CECR2: variants seen among roughly 807,000 people sequenced by gnomAD.
The protein encoded by CECR2 is CECR2 histone acetyl-lysine reader.
CECR2 carries 30 observed loss-of-function variants against 154.5 expected under a neutral mutation model. That is an observed-to-expected ratio of 0.19 (90% CI 0.15 to 0.26). The LOEUF (loss-of-function observed/expected upper bound fraction) is 0.26. Ranked by LOEUF, CECR2 falls within the 10% of genes least tolerant of loss-of-function variation. The probability of loss-of-function intolerance (pLI) is 1.00; values close to 1 mark genes in which losing one functional copy is unlikely to be tolerated. For missense variants in CECR2, 1,743 were observed against 1,829.3 expected (o/e 0.95, Z 0.86); for synonymous variants, 725 against 683.7 (o/e 1.06, Z -0.94).
At chr22:17,401,828 A>ACCC (rs34211703) in intron 1 of CECR2, among the ~76,000 whole-genome samples, 58 of 114,200 alleles carry the variant, frequency 5.1e-4, no homozygotes, top group Middle Eastern at 4.3e-3. Flanking sequence ...AATATTTAAC[A>ACCC]CCCCCCCCCG....
chr22:17,423,534 G>A lies in CECR2; in HGVS notation c.126+53625G>A, dbSNP rs1850890062. ...AAAAAAAAAAAAGAAGAAGAATTAA[G>A]TGCTCTGGCCTGTTTCAGAATGGCT... On this transcript the variant is annotated intron_variant, in intron 1 of 18. Coordinates refer to ENST00000262608, the MANE Select transcript of CECR2 (RefSeq NM_001290047.2). Among the ~76,000 whole-genome samples the A allele has an allele frequency of 2.6e-5, 4 of 151,972 alleles. No individual in the cohort carries two copies. In the South Asian group the frequency reaches 8.3e-4, roughly 31 times the overall value.
At position 17,398,713 on chromosome 22, in the gene CECR2, T is replaced by G. The variant is rs181413398; in HGVS notation, c.126+28804T>G. ...CGTGAGAATTAAATACCTTCAAGTT[T>G]GTAAAATACCCAAATTGTGCCAACT... On this transcript the variant is annotated intron_variant, in intron 1 of 18. Coordinates refer to ENST00000262608, the MANE Select transcript of CECR2 (RefSeq NM_001290047.2). Among the ~76,000 whole-genome samples the G allele has an allele frequency of 2.2e-3, 334 of 152,336 alleles. 5 individuals are homozygous for G. Among genetic ancestry groups the G allele is most frequent in the African/African-American group, 7.6e-3 (317 of 41,582 alleles).
At chr22:17,449,645 A>G (rs908626592) in intron 1 of CECR2, among the ~76,000 whole-genome samples, 8 of 151,238 alleles carry the variant, frequency 5.3e-5, no homozygotes, top group African/African-American at 1.7e-4. Flanking sequence ...GCCCGCCACC[A>G]CGCCCGGCTA....
chr22:17,463,234 G>A (rs1194362133), intron 1 of CECR2, among the ~76,000 whole-genome samples: 11 of 152,166 alleles, frequency 7.2e-5, no homozygotes, highest in African/African-American at 2.7e-4. Flanking sequence ...GATGAGAGTA[G>A]TGAGAAGCGA....
chr22:17,367,023 G>A (rs946540717), upstream of CECR2, among the ~76,000 whole-genome samples: 1 of 152,188 alleles, frequency 6.6e-6, no homozygotes, highest in African/African-American at 2.4e-5. Flanking sequence ...ACCCTCAGAA[G>A]GAAAGGGCAG....
intron 1 of CECR2, among the ~76,000 whole-genome samples, chr22:17,435,769 C>T (rs892105916): frequency 6.6e-6 from 1 of 151,480 alleles, no homozygotes; most frequent in Non-Finnish European, 1.5e-5. Context: ...CATAGTCATC[C>T]CATCCCTTAT....
At chr22:17,377,303 G>C (rs1410661744) in intron 1 of CECR2, among the ~76,000 whole-genome samples, 1 of 152,154 alleles carries the variant, frequency 6.6e-6, no homozygotes, top group African/African-American at 2.4e-5. Context: ...TTTGAAAGTA[G>C]CTTTTGAGAC....
Position 17,548,418 on chromosome 22 carries a change from C to A in CECR2, c.3131C>A (p.Ser1044Tyr). The A allele has an allele frequency of 6.2e-7, 1 of 1,613,984 alleles. No individual in the cohort carries two copies. The highest frequency in any genetic ancestry group is 1.6e-4 in the Middle Eastern group (1 of 6,062). The change falls in exon 17 of 19, where the codon TCC becomes TAC. Residue 1044 changes from serine to tyrosine, a missense_variant. This residue lies in a region of CECR2 where 1,250 missense variants were observed against 1,192.1 expected (regional missense o/e 1.05). Transcript: ENST00000262608. Reference sequence around the variant, plus strand: ...GCCCAAGGGTGCGTGAGAGACCTCTCCACGGTGGCAGACAGGGGCGCTCTA... The same window carrying A: ...GCCCAAGGGTGCGTGAGAGACCTCTACACGGTGGCAGACAGGGGCGCTCTA... ...PAAQGCVRDL[S>Y]TVADRGALSE... is the part of the protein sequence containing the mutation.
Position 17,524,281 on chromosome 22 carries a change from G to GT in CECR2, c.1108+11dup, listed in dbSNP as rs1380920786. On this transcript the variant is annotated intron_variant, in intron 9 of 18. Transcript: ENST00000262608. ...GTCAAGGCAGTGGAAGGTATGTGCA[G>GT]TGTCCGCGTGGTCTGGAGAGGTGCA... 2 of 1,605,304 alleles carry GT rather than the reference G, an allele frequency of 1.2e-6. No individual in the cohort carries two copies. Among genetic ancestry groups the GT allele is most frequent in the Non-Finnish European group, 1.7e-6 (2 of 1,176,528 alleles).
chr22:17,547,917 G>T (rs1397096650), intron 16 of CECR2, among the ~76,000 whole-genome samples: 1 of 152,180 alleles, frequency 6.6e-6, no homozygotes, highest in Admixed American at 6.5e-5. Context: ...CCGGCCCACT[G>T]TAAGAGTGAA....
rs767167862 is a variant in CECR2 at position 17,540,444 on chromosome 22, T to C, written c.1528T>C (p.Cys510Arg). Residue 510 changes from cysteine (C) to arginine (R), a missense_variant, in exon 14 of 19, where the codon TGT (cysteine) becomes CGT (arginine). Around this residue, in one of 4 missense-constraint regions of CECR2, gnomAD observed 103 missense variants for 166.8 expected, o/e 0.62. Coordinates refer to ENST00000262608, the MANE Select transcript of CECR2 (RefSeq NM_001290047.2). ...YTKMSDNLER[C>R]FHRAMMKHFP... ...CAAGATGTCTGATAATTTAGAGAGGTGTTTCCATCGGGCAATGATGAAACA... is the reference window on the plus strand; with the variant it reads ...CAAGATGTCTGATAATTTAGAGAGGCGTTTCCATCGGGCAATGATGAAACA... 5 of 1,570,188 alleles carry C rather than the reference T, an allele frequency of 3.2e-6. No individual in the cohort carries two copies. Among genetic ancestry groups the C allele is most frequent in the Non-Finnish European group, 4.3e-6 (5 of 1,156,624 alleles).
At position 17,453,213 on chromosome 22, in the gene CECR2, G is replaced by A. The variant is rs59493121; in HGVS notation, c.127-24375G>A. 0.022 allele frequency among the ~76,000 whole-genome samples: 3,277 copies of A among 152,226 alleles called. 195 individuals carry two copies. The East Asian group carries it at 0.24, about 11-fold the overall frequency. ...TCCCAGAACTTTGGGAGGCCGAGGCGGGTGGATCACCTGAGGTCGGGAGTT... is the reference window on the plus strand; with the variant it reads ...TCCCAGAACTTTGGGAGGCCGAGGCAGGTGGATCACCTGAGGTCGGGAGTT... On this transcript the variant is annotated intron_variant, in intron 1 of 18. Transcript: ENST00000262608.
intron 1 of CECR2, among the ~76,000 whole-genome samples, chr22:17,370,319 C>T: frequency 1.5e-5 from 1 of 64,682 alleles, no homozygotes; most frequent in South Asian, 6.0e-4. Context: ...GGGCCGGGCG[C>T]GGGGGGGGGG....
chr22:17,524,024 A>T, intron 8 of CECR2, 94 bp from the exon 9 acceptor site: 1 of 998,556 alleles, frequency 1.0e-6, no homozygotes, highest in Non-Finnish European at 1.5e-6. Flanking sequence ...AGCTAATATT[A>T]TTTGTTGAAA....
At chr22:17,529,082 C>T (rs1287305855) in intron 9 of CECR2, among the ~76,000 whole-genome samples, 1 of 152,076 alleles carries the variant, frequency 6.6e-6, no homozygotes, top group Non-Finnish European at 1.5e-5. Context: ...GGTGATAGAG[C>T]AAAACCCTGT....
chr22:17,469,185 G>A (rs1023637069), intron 1 of CECR2, among the ~76,000 whole-genome samples: 2 of 152,014 alleles, frequency 1.3e-5, no homozygotes, highest in African/African-American at 4.8e-5. Context: ...GTGATAGTGG[G>A]AAGCTACACA....
intron 1 of CECR2, among the ~76,000 whole-genome samples, chr22:17,391,771 G>A (rs1041843437): frequency 6.6e-6 from 1 of 152,202 alleles, no homozygotes; most frequent in Non-Finnish European, 1.5e-5. Flanking sequence ...CCAATATAGT[G>A]TGCTTATGTG....
Position 17,382,121 on chromosome 22 carries a change from A to C in CECR2, c.126+12212A>C, listed in dbSNP as rs982680548. ...TAGCCAGGATGGTCTTGATCTCCTGACCTTGTGATCCGCCCGCCTTGGCCT... is the reference window on the plus strand; with the variant it reads ...TAGCCAGGATGGTCTTGATCTCCTGCCCTTGTGATCCGCCCGCCTTGGCCT... On this transcript the variant is annotated intron_variant, in intron 1 of 18. Transcript: ENST00000262608. 2.0e-5 allele frequency among the ~76,000 whole-genome samples: 3 copies of C among 150,930 alleles called. No homozygotes were observed. In the East Asian group the frequency reaches 5.9e-4, roughly 29 times the overall value.
At chr22:17,438,468 A>T (rs2054537737) in intron 1 of CECR2, among the ~76,000 whole-genome samples, 2 of 152,198 alleles carry the variant, frequency 1.3e-5, no homozygotes, top group South Asian at 4.1e-4. Context: ...GTCTCTTAAA[A>T]CAACTTACTC....
Sources: allele counts gnomAD v4.1 joint callset (sites outside exome capture counted in the v4.1 genomes callset), GRCh38; gene constraint gnomAD v4.1.1; regional missense constraint gnomAD v4.1.1; transcripts MANE v1.5; gene names NCBI Gene and HGNC (gene_info 2026-07-23, HGNC 2026-07-21).